ARMC9: variants seen among roughly 807,000 people sequenced by gnomAD.
ARMC9 encodes armadillo repeat containing 9, also known as lisH domain-containing protein ARMC9.
A neutral mutation model predicts 107.0 loss-of-function variants in ARMC9; 94 were observed. The observed-to-expected ratio is 0.88, with a 90% confidence interval of 0.74 to 1.04. ARMC9 has a LOEUF of 1.04. ARMC9 is among the 50% of genes least tolerant of loss of function. ARMC9 has a pLI of 0.00. For missense variants in ARMC9, 942 were observed against 1,030.1 expected (o/e 0.91, Z 1.17); for synonymous variants, 380 against 396.9 (o/e 0.96, Z 0.51).
intron 5 of ARMC9, among the ~76,000 whole-genome samples, chr2:231,218,944 G>A (rs532164954): frequency 6.6e-6 from 1 of 151,992 alleles, no homozygotes; most frequent in Non-Finnish European, 1.5e-5. Flanking sequence ...TAGAGACGGG[G>A]TTTCACCATG....
At chr2:231,324,123 C>CTTTTTTTTTTTTTTTTTTT (rs71296842) in intron 19 of ARMC9, among the ~76,000 whole-genome samples, 10 of 89,270 alleles carry the variant, frequency 1.1e-4, no homozygotes, top group East Asian at 3.4e-4. Flanking sequence ...TTGTAAAGTA[C>CTTTTTTTTTTTTTTTTTTT]TTTTTTTTTT....
chr2:231,269,282 T>G (rs2039103105), intron 12 of ARMC9, among the ~76,000 whole-genome samples: 1 of 152,092 alleles, frequency 6.6e-6, no homozygotes, highest in Non-Finnish European at 1.5e-5. Flanking sequence ...GTTTCTTCCC[T>G]CTGTTTTCTG....
intron 23 of ARMC9, among the ~76,000 whole-genome samples, chr2:231,367,588 G>GT (rs1184104202): frequency 6.6e-6 from 1 of 152,182 alleles, no homozygotes; most frequent in Non-Finnish European, 1.5e-5. Context: ...CATGTGAGTC[G>GT]TTTTTACTAG....
chr2:231,224,487 A>G (rs544543573), intron 6 of ARMC9, among the ~76,000 whole-genome samples: 102 of 152,314 alleles, frequency 6.7e-4, no homozygotes, highest in South Asian at 2.1e-3. Context: ...CATAGTACCT[A>G]TTTTATAGGA....
At chr2:231,335,911 C>A (rs79726137) in intron 20 of ARMC9, among the ~76,000 whole-genome samples, 6,379 of 151,984 alleles carry the variant, frequency 0.042, 172 homozygotes, top group African/African-American at 0.063. Flanking sequence ...CCTTGTCTTT[C>A]CTAAAATTTT....
chr2:231,210,873 A>G (rs1166609036), intron 3 of ARMC9, among the ~76,000 whole-genome samples: 1 of 152,218 alleles, frequency 6.6e-6, no homozygotes, highest in Non-Finnish European at 1.5e-5. Context: ...TTTTCATCTT[A>G]CAAACCTGAA....
At chr2:231,200,999 G>A (rs896359025) in intron 1 of ARMC9, among the ~76,000 whole-genome samples, 1 of 152,172 alleles carries the variant, frequency 6.6e-6, no homozygotes, top group African/African-American at 2.4e-5. Flanking sequence ...TCCTGGAAGA[G>A]CTTGTTGCAT....
At chr2:231,323,101 A>G (rs2043090356) in intron 19 of ARMC9, among the ~76,000 whole-genome samples, 1 of 151,956 alleles carries the variant, frequency 6.6e-6, no homozygotes, top group African/African-American at 2.4e-5. Context: ...AGGTGGGAGG[A>G]ATGCTTGAGG....
At chr2:231,324,123 C>CTT (rs71296842) in intron 19 of ARMC9, among the ~76,000 whole-genome samples, 8,072 of 89,210 alleles carry the variant, frequency 0.09, 916 homozygotes, top group African/African-American at 0.13. Flanking sequence ...TTGTAAAGTA[C>CTT]TTTTTTTTTT....
chr2:231,283,254 T>C (rs977810276), intron 17 of ARMC9, among the ~76,000 whole-genome samples: 1 of 152,092 alleles, frequency 6.6e-6, no homozygotes, highest in Non-Finnish European at 1.5e-5. Flanking sequence ...AGGAGACGAA[T>C]GTGAGCAAAT....
intron 16 of ARMC9, among the ~76,000 whole-genome samples, chr2:231,280,324 G>T (rs2040108475): frequency 6.6e-6 from 1 of 152,144 alleles, no homozygotes; most frequent in Non-Finnish European, 1.5e-5. Context: ...CAGGCATGGT[G>T]GCTTGTGCCT....
At chr2:231,351,477 G>A (rs892919458) in intron 21 of ARMC9, among the ~76,000 whole-genome samples, 1 of 152,032 alleles carries the variant, frequency 6.6e-6, no homozygotes, top group Non-Finnish European at 1.5e-5. Flanking sequence ...TATGGAACAA[G>A]TAAATATAAA....
chr2:231,333,795 T>C (rs887066031), intron 20 of ARMC9, among the ~76,000 whole-genome samples: 4 of 152,174 alleles, frequency 2.6e-5, no homozygotes, highest in African/African-American at 9.7e-5. Context: ...CACGTAAACA[T>C]GAGCAAGGAT....
chr2:231,328,817 TTC>T lies in ARMC9; in HGVS notation c.1774-2974_1774-2973del, dbSNP rs1249910513. Among the ~76,000 whole-genome samples, 12 of 131,824 alleles carry T rather than the reference TTC, an allele frequency of 9.1e-5. 3 individuals are homozygous for T. The highest frequency in any genetic ancestry group is 6.1e-4 in the East Asian group (3 of 4,932). 86.5% of individuals were successfully genotyped at this position (131,824 alleles called of 152,430 possible). On this transcript the variant is annotated intron_variant, in intron 19 of 24. Transcript: ENST00000611582. Reference sequence around the variant, plus strand: ...GTGTTCAATTTTCTTTTCTTTTCTTTTCTTTTTTTTTTTTTGAGTCGGAGTCT... The same window carrying T: ...GTGTTCAATTTTCTTTTCTTTTCTTTTTTTTTTTTTTTTGAGTCGGAGTCT...
intron 9 of ARMC9, among the ~76,000 whole-genome samples, chr2:231,249,911 C>T (rs1181188211): frequency 1.7e-4 from 7 of 42,078 alleles, no homozygotes; most frequent in Non-Finnish European, 2.8e-4. Flanking sequence ...GGGAGACCAC[C>T]GCCCACCCGT....
chr2:231,258,108 A>C (rs907257802), intron 10 of ARMC9, among the ~76,000 whole-genome samples: 2 of 152,046 alleles, frequency 1.3e-5, no homozygotes, highest in African/African-American at 4.8e-5. Context: ...TCTCCTGCCT[A>C]TGTTCCCATG....
At chr2:231,249,970 C>T (rs531875791) in intron 9 of ARMC9, among the ~76,000 whole-genome samples, 3 of 141,450 alleles carry the variant, frequency 2.1e-5, no homozygotes, top group East Asian at 2.2e-4. Context: ...CACACCTCCA[C>T]GGGAGGGAGA....
Position 231,271,166 on chromosome 2 carries a change from A to G in ARMC9, c.1210+94A>G, listed in dbSNP as rs116017242. On this transcript the variant is annotated intron_variant, in intron 13 of 24. Transcript: ENST00000611582. ...AGCGTTCCTCCCAAGTTTCTTAGAG[A>G]TGACGCTTCCTCAGTTTGTTACCGT... 8.0e-4 allele frequency: 952 copies of G among 1,190,244 alleles called. 4 individuals are homozygous for G. In the African/African-American group the frequency reaches 0.013, roughly 16 times the overall value. 73.7% of individuals were successfully genotyped at this position (1,190,244 alleles called of 1,614,324 possible).
intron 19 of ARMC9, among the ~76,000 whole-genome samples, chr2:231,303,122 T>C (rs188461827): frequency 8.5e-5 from 13 of 152,396 alleles, no homozygotes; most frequent in African/African-American, 3.1e-4. Flanking sequence ...GATGTGCTAA[T>C]GTATAGAAAT....
Sources: allele counts gnomAD v4.1 joint callset (sites outside exome capture counted in the v4.1 genomes callset), GRCh38; gene constraint gnomAD v4.1.1; transcripts MANE v1.5; gene names NCBI Gene and HGNC (gene_info 2026-07-23, HGNC 2026-07-21).